Variants in ILRUN observed in about 807,000 individuals in gnomAD.
ILRUN encodes protein ILRUN.
A neutral mutation model predicts 33.8 loss-of-function variants in ILRUN; 3 were observed. The ratio of observed to expected loss-of-function variants is 0.09; its 90% CI spans 0.04 to 0.23. The LOEUF is 0.23. ILRUN is among the 10% of genes least tolerant of loss of function. The probability of loss-of-function intolerance (pLI) is 1.00; values close to 1 mark genes in which losing one functional copy is unlikely to be tolerated. For synonymous variants in ILRUN, 124 were observed against 138.9 expected, an observed-to-expected ratio of 0.89 and a Z score of 0.75; for missense variants, 210 against 375.1, an observed-to-expected ratio of 0.56 and a Z score of 3.64.
intron 1 of ILRUN, among the ~76,000 whole-genome samples, chr6:34,669,525 C>G (rs1303431767): frequency 6.6e-6 from 1 of 152,132 alleles, no homozygotes; most frequent in African/African-American, 2.4e-5. Context: ...AAAAGACTTC[C>G]AGAACCACAC....
At chr6:34,678,160 C>T (rs1763278343) in intron 1 of ILRUN, among the ~76,000 whole-genome samples, 2 of 152,228 alleles carry the variant, frequency 1.3e-5, no homozygotes, top group South Asian at 2.1e-4. Flanking sequence ...CTGCTTCAGC[C>T]TCCCGAGTAG....
intron 3 of ILRUN, among the ~76,000 whole-genome samples, chr6:34,632,897 C>T (rs1762277070): frequency 6.6e-6 from 1 of 152,028 alleles, no homozygotes; most frequent in Non-Finnish European, 1.5e-5. Context: ...TTTAAGTCTT[C>T]AACTAAGAGA....
intron 2 of ILRUN, among the ~76,000 whole-genome samples, chr6:34,650,342 T>C (rs1053630906): frequency 6.6e-6 from 1 of 152,078 alleles, no homozygotes; most frequent in Non-Finnish European, 1.5e-5. Context: ...ATATCTCAGT[T>C]CTGCTTCTGC....
At chr6:34,653,331 A>T (rs1762708164) in intron 2 of ILRUN, among the ~76,000 whole-genome samples, 1 of 151,918 alleles carries the variant, frequency 6.6e-6, no homozygotes. Context: ...CCTGGGTTCA[A>T]GCAATTCTCC....
chr6:34,695,935 C>T (rs760564136), intron 1 of ILRUN, among the ~76,000 whole-genome samples: 4 of 151,416 alleles, frequency 2.6e-5, no homozygotes, highest in Non-Finnish European at 4.4e-5. Context: ...CTGTTCTCAG[C>T]TCCTAACTCC....
Position 34,696,653 on chromosome 6 carries a change from C to G in ILRUN, c.-50G>C. On this transcript the variant is annotated 5_prime_UTR_variant, in exon 1 of 5. Coordinates refer to ENST00000374023, the MANE Select transcript of ILRUN (RefSeq NM_024294.4). ...CCGCCTCTTCACAACCAAGCCGCCG[C>G]CGCGCCGCCGGGCCCGGGGACCTGG... The G allele has an allele frequency of 6.4e-7, 1 of 1,568,318 alleles. No homozygotes were observed. Among genetic ancestry groups the G allele is most frequent in the Non-Finnish European group, 8.6e-7 (1 of 1,161,784 alleles).
At chr6:34,676,706 T>C (rs1016329340) in intron 1 of ILRUN, among the ~76,000 whole-genome samples, 4 of 151,828 alleles carry the variant, frequency 2.6e-5, no homozygotes, top group Non-Finnish European at 5.9e-5. Flanking sequence ...TCAGTACATA[T>C]ATAAAATATA....
intron 1 of ILRUN, among the ~76,000 whole-genome samples, chr6:34,670,844 CAAAAAAAAAAAA>C (rs201024054): frequency 6.8e-5 from 4 of 58,556 alleles, no homozygotes; most frequent in South Asian, 5.2e-4. Flanking sequence ...GACCCTGTCT[CAAAAAAAAAAAA>C]AAAAAAGAAA....
intron 3 of ILRUN, among the ~76,000 whole-genome samples, chr6:34,611,442 G>GAT (rs1199173722): frequency 2.0e-5 from 3 of 152,098 alleles, no homozygotes; most frequent in Non-Finnish European, 4.4e-5. Context: ...TGCTGCAATG[G>GAT]GTCATCATGA....
At chr6:34,683,475 C>CATATATATATACATAT (rs1264835303) in intron 1 of ILRUN, among the ~76,000 whole-genome samples, 12 of 79,872 alleles carry the variant, frequency 1.5e-4, no homozygotes, top group Admixed American at 3.8e-4. Context: ...TATATATACA[C>CATATATATATACATAT]ATATATATAT....
At chr6:34,673,904 T>TACACACACACACAC (rs370280008) in intron 1 of ILRUN, among the ~76,000 whole-genome samples, 1,176 of 113,018 alleles carry the variant, frequency 0.01, 105 homozygotes, top group African/African-American at 0.037. Flanking sequence ...AACAACCACA[T>TACACACACACACAC]ACACACACAC....
chr6:34,617,642 G>C (rs561584501), intron 3 of ILRUN, among the ~76,000 whole-genome samples: 1 of 152,048 alleles, frequency 6.6e-6, no homozygotes, highest in African/African-American at 2.4e-5. Flanking sequence ...CCTGATTTCC[G>C]AGGCTTAGAC....
Position 34,637,862 on chromosome 6 carries a change from TGC to T in ILRUN, c.511+8737_511+8738del, listed in dbSNP as rs1346403545. 3.1e-4 allele frequency among the ~76,000 whole-genome samples: 41 copies of T among 133,798 alleles called. 1 individual carries two copies. The highest frequency in any genetic ancestry group is 2.1e-3 in the South Asian group (8 of 3,842). 87.8% of individuals were successfully genotyped at this position (133,798 alleles called of 152,430 possible). ...TTGTTGTTGCTGCTGCTGCTGCTGC[TGC>T]TGTTGTTGTTGTTGTTGTTGTTGTT... is the stretch of plus-strand genomic sequence containing the variant. On this transcript the variant is annotated intron_variant, in intron 3 of 4. Transcript: ENST00000374023.
chr6:34,608,092 T>TA (rs71538249), intron 3 of ILRUN, among the ~76,000 whole-genome samples: 3,442 of 144,124 alleles, frequency 0.024, 60 homozygotes, highest in Non-Finnish European at 0.037. Flanking sequence ...CACCCTGTCT[T>TA]AAAAAAAAAA....
At chr6:34,598,001 C>T (rs1427725678) in intron 4 of ILRUN, among the ~76,000 whole-genome samples, 1 of 152,194 alleles carries the variant, frequency 6.6e-6, no homozygotes, top group Non-Finnish European at 1.5e-5. Flanking sequence ...TAAAAGTCAA[C>T]TAGAATTCAA....
intron 3 of ILRUN, among the ~76,000 whole-genome samples, chr6:34,636,060 C>T (rs1017783909): frequency 1.3e-5 from 2 of 152,018 alleles, no homozygotes; most frequent in African/African-American, 4.8e-5. Context: ...AATTATAGAC[C>T]AACCCTGGCA....
intron 1 of ILRUN, among the ~76,000 whole-genome samples, chr6:34,677,576 AGTT>A (rs1763262399): frequency 6.6e-6 from 1 of 152,104 alleles, no homozygotes; most frequent in Non-Finnish European, 1.5e-5. Flanking sequence ...CACACTGACA[AGTT>A]ATTAGCTTTT....
Position 34,690,473 on chromosome 6 carries a change from A to AAAAT in ILRUN, c.158+5969_158+5972dup, listed in dbSNP as rs565611709. On this transcript the variant is annotated intron_variant, in intron 1 of 4. Transcript: ENST00000374023. ...GAAACTATGTCTCAAAAAAAAATTA[A>AAAAT]AAATAAATAAATAAATAAATAAATT... Among the ~76,000 whole-genome samples the AAAAT allele has an allele frequency of 2.6e-3, 396 of 152,096 alleles. 1 individual carries two copies. The highest frequency in any genetic ancestry group is 7.6e-3 in the African/African-American group (317 of 41,510).
intron 4 of ILRUN, among the ~76,000 whole-genome samples, chr6:34,597,141 T>C (rs902851521): frequency 6.6e-6 from 1 of 152,116 alleles, no homozygotes; most frequent in Non-Finnish European, 1.5e-5. Context: ...AGAATAAAAC[T>C]CAAACATAAC....
Sources: gnomAD v4.1 joint callset for allele counts (sites outside exome capture counted in the v4.1 genomes callset) on GRCh38, gnomAD v4.1.1 for gene constraint, MANE v1.5 for transcripts, NCBI Gene and HGNC (gene_info 2026-07-23, HGNC 2026-07-21) for gene names.